Variants in ATP2B4 observed in about 807,000 individuals in gnomAD.
The protein encoded by ATP2B4 is plasma membrane calcium-transporting ATPase 4.
A neutral mutation model predicts 110.3 loss-of-function variants in ATP2B4; 39 were observed. That is an observed-to-expected ratio of 0.35 (90% CI 0.27 to 0.46). The LOEUF is 0.46. ATP2B4 is among the 20% of genes least tolerant of loss of function. The probability of loss-of-function intolerance (pLI) is 1.00; values close to 1 mark genes in which losing one functional copy is unlikely to be tolerated. For missense variants in ATP2B4, 1,135 were observed against 1,530.9 expected (o/e 0.74, Z 4.32); for synonymous variants, 538 against 571.7 (o/e 0.94, Z 0.84).
intron 1 of ATP2B4, among the ~76,000 whole-genome samples, chr1:203,628,410 C>T (rs943260511): frequency 1.3e-5 from 2 of 152,132 alleles, no homozygotes; most frequent in Non-Finnish European, 2.9e-5. Flanking sequence ...GCACGTCCCT[C>T]CTGGGCATTC....
intron 14 of ATP2B4, 104 bp downstream of exon 14, chr1:203,713,356 G>C: frequency 7.9e-7 from 1 of 1,273,132 alleles, no homozygotes; most frequent in Non-Finnish European, 1.1e-6. Context: ...CAAATAGGGA[G>C]GTCCTAGGAG....
At chr1:203,733,367 T>G in intron 20 of ATP2B4, 1 of 1,614,060 alleles carries the variant, frequency 6.2e-7, no homozygotes, top group Non-Finnish European at 8.5e-7. Context: ...CCCCACCACT[T>G]CTGTTCCTGC....
intron 1 of ATP2B4, among the ~76,000 whole-genome samples, chr1:203,640,242 C>T: frequency 6.6e-6 from 1 of 152,198 alleles, no homozygotes; most frequent in East Asian, 1.9e-4. Flanking sequence ...CCAAGAACAT[C>T]CTCCTGTTCT....
Position 203,649,515 on chromosome 1 carries a change from C to T in ATP2B4, c.-465+22296C>T, listed in dbSNP as rs78795152. On this transcript the variant is annotated intron_variant, in intron 1 of 20. Transcript: ENST00000357681. The stretch of plus-strand genomic sequence containing the variant: ...ACTTTAGGGTGGGCGTAGTGGTTCA[C>T]GCCTATAATCCCAGTTCTTTGGGAG... 4.9e-3 allele frequency among the ~76,000 whole-genome samples: 747 copies of T among 152,248 alleles called. 8 individuals carry two copies. The highest frequency in any genetic ancestry group is 0.017 in the African/African-American group (712 of 41,548).
Position 203,741,834 on chromosome 1 carries a change from C to G in ATP2B4, c.*1980C>G, listed in dbSNP as rs566904545. ...ACTCATAGGGGAAAAAAACAGCTCA[C>G]CCAAGGTGTTAGGTTTCACATATAT... On this transcript the variant is annotated 3_prime_UTR_variant, in exon 21 of 21. Transcript: ENST00000357681. The G allele has an allele frequency of 1.3e-5, 2 of 152,716 alleles. No homozygotes were observed. The highest frequency in any genetic ancestry group is 2.9e-5 in the Non-Finnish European group (2 of 68,024). The allele number at this position is 152,716 out of a possible 1,614,324, so 9.5% of individuals were successfully genotyped here.
chr1:203,681,642 C>T lies in ATP2B4; in HGVS notation c.-464-1100C>T, dbSNP rs116649133. 1.6e-3 allele frequency among the ~76,000 whole-genome samples: 240 copies of T among 152,260 alleles called. 2 individuals are homozygous for T. Among genetic ancestry groups the T allele is most frequent in the African/African-American group, 5.5e-3 (230 of 41,548 alleles). On this transcript the variant is annotated intron_variant, in intron 1 of 20. Transcript: ENST00000357681. Reference sequence around the variant, plus strand: ...GCCTCAGGATAAGTTCTCTTCCCACCTTCAGCCCTCCGTTTTGTCACCTAC... The same window carrying T: ...GCCTCAGGATAAGTTCTCTTCCCACTTTCAGCCCTCCGTTTTGTCACCTAC...
At position 203,666,531 on chromosome 1, in the gene ATP2B4, C is replaced by T. The variant is rs143898897; in HGVS notation, c.-464-16211C>T. On this transcript the variant is annotated intron_variant, in intron 1 of 20. Coordinates refer to ENST00000357681, the MANE Select transcript of ATP2B4 (RefSeq NM_001684.5). ...CCCAAAGTAGCTTAATTTTGGCCCC[C>T]GTTCTTCGTGCCTCCTAGGTTTTGT... Among the ~76,000 whole-genome samples, 1,494 of 152,258 alleles carry T rather than the reference C, an allele frequency of 9.8e-3. 37 individuals carry two copies. The highest frequency in any genetic ancestry group is 0.034 in the African/African-American group (1,397 of 41,530).
chr1:203,677,808 A>G (rs1664872128), intron 1 of ATP2B4, among the ~76,000 whole-genome samples: 1 of 152,172 alleles, frequency 6.6e-6, no homozygotes, highest in Non-Finnish European at 1.5e-5. Context: ...CTAAAGTGGG[A>G]CCAGGCTGCT....
Position 203,740,083 on chromosome 1 carries a change from G to C in ATP2B4, c.*229G>C. ...GCGGGACCCAGTCAAACCCCATTCA[G>C]GTCATGGTAGAATCTACTCCTTGGT... On this transcript the variant is annotated 3_prime_UTR_variant, in exon 21 of 21. Transcript: ENST00000357681. 1 of 537,394 alleles carries C rather than the reference G, an allele frequency of 1.9e-6. No individual in the cohort carries two copies. The highest frequency in any genetic ancestry group is 3.3e-6 in the Non-Finnish European group (1 of 305,364). The allele number at this position is 537,394 out of a possible 1,614,324, so 33.3% of individuals were successfully genotyped here.
chr1:203,723,421 T>G (rs1186204271), intron 18 of ATP2B4, among the ~76,000 whole-genome samples: 1 of 36,948 alleles, frequency 2.7e-5, no homozygotes, highest in Non-Finnish European at 5.3e-5. Flanking sequence ...GAGACAGATA[T>G]CTCTCTCTCT....
Position 203,740,984 on chromosome 1 carries a change from G to A in ATP2B4, c.*1130G>A, listed in dbSNP as rs899624085. 6.6e-6 allele frequency: 1 copy of A among 152,170 alleles called. No homozygotes were observed. The highest frequency in any genetic ancestry group is 6.5e-5 in the Admixed American group (1 of 15,270). 9.4% of individuals were successfully genotyped at this position (152,170 alleles called of 1,614,324 possible). Reference sequence around the variant, plus strand: ...GGGGAATGAGTGTTCAGAAGCCTTGGGAGAGGCCAAAGAGCCATTCTAGCA... The same window carrying A: ...GGGGAATGAGTGTTCAGAAGCCTTGAGAGAGGCCAAAGAGCCATTCTAGCA... On this transcript the variant is annotated 3_prime_UTR_variant, in exon 21 of 21. Transcript: ENST00000357681.
At chr1:203,731,870 AG>A (rs1333647982) in intron 20 of ATP2B4, among the ~76,000 whole-genome samples, 4 of 142,880 alleles carry the variant, frequency 2.8e-5, no homozygotes, top group Non-Finnish European at 4.6e-5. Flanking sequence ...AAAAAAAAAA[AG>A]GAAGGAGGGA....
rs60841821 is a variant in ATP2B4 at position 203,719,225 on chromosome 1, GAAAAA to G, written c.2407-1308_2407-1304del. ...AGATGACAGAGCAAGACCCTGTCTC[GAAAAA>G]AAAAAAAAAAAAAAAGCAAGAGAGA... is the stretch of plus-strand genomic sequence containing the variant. On this transcript the variant is annotated intron_variant, in intron 15 of 20. Transcript: ENST00000357681. 2.8e-4 allele frequency among the ~76,000 whole-genome samples: 15 copies of G among 54,406 alleles called. No homozygotes were observed. The East Asian group carries it at 3.2e-3, about 12-fold the overall frequency. The allele number at this position is 54,406 out of a possible 152,430, so 35.7% of individuals were successfully genotyped here.
intron 20 of ATP2B4, among the ~76,000 whole-genome samples, chr1:203,728,620 G>A (rs1487764865): frequency 6.6e-6 from 1 of 152,176 alleles, no homozygotes; most frequent in Non-Finnish European, 1.5e-5. Flanking sequence ...CACTTTGGGA[G>A]GCCAAGGTGG....
intron 1 of ATP2B4, among the ~76,000 whole-genome samples, chr1:203,671,028 C>G (rs1310143114): frequency 2.6e-5 from 4 of 152,196 alleles, no homozygotes; most frequent in Non-Finnish European, 4.4e-5. Flanking sequence ...GTTAATGTGT[C>G]TGTTGGCAGT....
intron 1 of ATP2B4, among the ~76,000 whole-genome samples, chr1:203,645,329 G>A (rs1164687596): frequency 6.6e-6 from 1 of 152,076 alleles, no homozygotes; most frequent in African/African-American, 2.4e-5. Context: ...CCTCTCTAAT[G>A]CCCTAGCCAG....
intron 4 of ATP2B4, 58 bp from the exon 5 acceptor site, chr1:203,700,148 C>T (rs868207294): frequency 3.2e-6 from 5 of 1,571,434 alleles, no homozygotes; most frequent in Non-Finnish European, 3.5e-6. Context: ...GAGGACCCTA[C>T]CCTCAGCCAG....
At chr1:203,723,353 C>CCT (rs1475220668) in intron 18 of ATP2B4, among the ~76,000 whole-genome samples, 2 of 150,588 alleles carry the variant, frequency 1.3e-5, no homozygotes, top group African/African-American at 4.9e-5. Flanking sequence ...AATCCTCCCG[C>CCT]CTCCCAAAGT....
At chr1:203,703,509 T>A in intron 7 of ATP2B4, 143 bp from the exon 8 acceptor site, 1 of 842,026 alleles carries the variant, frequency 1.2e-6, no homozygotes, top group Non-Finnish European at 1.9e-6. Flanking sequence ...ATGTCTAGCA[T>A]GGGTTGGAAG....
Sources: gnomAD v4.1 joint callset for allele counts (sites outside exome capture counted in the v4.1 genomes callset) on GRCh38, gnomAD v4.1.1 for gene constraint, MANE v1.5 for transcripts, NCBI Gene and HGNC (gene_info 2026-07-23, HGNC 2026-07-21) for gene names.